The following KCNH5 variants were observed in gnomAD, a reference collection of about 807,000 sequenced individuals.
The protein encoded by KCNH5 is voltage-gated delayed rectifier potassium channel KCNH5.
In KCNH5, 46 loss-of-function variants were observed where a neutral mutation model predicts 96.1. The observed-to-expected ratio is 0.48, with a 90% CI of 0.38 to 0.61. The LOEUF (loss-of-function observed/expected upper bound fraction) is 0.61. Among genes scored for constraint, KCNH5 ranks in the 20% least tolerant of loss-of-function variants. The pLI, the probability that KCNH5 is intolerant of heterozygous loss-of-function variation, is 0.00. For missense variants in KCNH5, 907 were observed against 1,225.8 expected, an observed-to-expected ratio of 0.74 and a Z score of 3.88; for synonymous variants, 439 against 449.8, an observed-to-expected ratio of 0.98 and a Z score of 0.30.
intron 10 of KCNH5, among the ~76,000 whole-genome samples, chr14:62,723,541 T>C (rs538325435): frequency 6.6e-6 from 1 of 152,354 alleles, no homozygotes; most frequent in South Asian, 2.1e-4. Context: ...CTTGGATGTA[T>C]AGACATTCAT....
intron 8 of KCNH5, among the ~76,000 whole-genome samples, chr14:62,838,031 T>C (rs1887499447): frequency 6.6e-6 from 1 of 152,298 alleles, no homozygotes; most frequent in South Asian, 2.1e-4. Flanking sequence ...TGAAGTTTGA[T>C]ACAAGGGTTA....
rs117513689 is a variant in KCNH5 at position 62,728,823 on chromosome 14, A to G, written c.2020-20368T>C. Among the ~76,000 whole-genome samples the G allele has an allele frequency of 4.2e-3, 638 of 152,302 alleles. 10 individuals carry two copies. In the East Asian group the frequency reaches 0.044, roughly 11 times the overall value. On this transcript the variant is annotated intron_variant, in intron 10 of 10. Coordinates refer to ENST00000322893, the MANE Select transcript of KCNH5 (RefSeq NM_139318.5). ...CTCTTTGTCAGTATTAGTTATTAAT[A>G]TAGTAGGAATTCATCAAAAGGATAA...
At chr14:62,715,412 GTTC>G (rs1208648344) in intron 10 of KCNH5, among the ~76,000 whole-genome samples, 1 of 152,142 alleles carries the variant, frequency 6.6e-6, no homozygotes, top group Non-Finnish European at 1.5e-5. Context: ...TGATTCTTTG[GTTC>G]TTCTTACTGC....
At chr14:62,746,943 C>A (rs991910460) in intron 10 of KCNH5, among the ~76,000 whole-genome samples, 1 of 152,186 alleles carries the variant, frequency 6.6e-6, no homozygotes, top group Non-Finnish European at 1.5e-5. Flanking sequence ...ACTTCAAACA[C>A]GCTATCATGT....
intron 6 of KCNH5, among the ~76,000 whole-genome samples, chr14:62,967,392 A>G (rs1185932764): frequency 6.6e-6 from 1 of 151,722 alleles, no homozygotes; most frequent in East Asian, 1.9e-4. Context: ...CTTTTTTTCT[A>G]AACATAAGTA....
At chr14:62,934,321 C>T (rs2140118206) in intron 7 of KCNH5, among the ~76,000 whole-genome samples, 1 of 152,182 alleles carries the variant, frequency 6.6e-6, no homozygotes, top group African/African-American at 2.4e-5. Flanking sequence ...TTAGCAAACA[C>T]CAAAAATGAT....
At chr14:62,867,141 C>T (rs1004912587) in intron 7 of KCNH5, among the ~76,000 whole-genome samples, 2 of 152,196 alleles carry the variant, frequency 1.3e-5, no homozygotes, top group African/African-American at 4.8e-5. Context: ...AGAACACTTC[C>T]TCCCACCTCT....
intron 10 of KCNH5, among the ~76,000 whole-genome samples, chr14:62,768,186 A>G (rs1885905624): frequency 1.3e-5 from 2 of 151,324 alleles, no homozygotes; most frequent in Non-Finnish European, 2.9e-5. Flanking sequence ...ACAAAACTGC[A>G]CTCGAACCCC....
chr14:62,860,428 G>A (rs1888010836), intron 7 of KCNH5, among the ~76,000 whole-genome samples: 1 of 152,176 alleles, frequency 6.6e-6, no homozygotes, highest in South Asian at 2.1e-4. Flanking sequence ...TGCTTACACA[G>A]CTACAGATTT....
rs576032472 is a variant in KCNH5, at chr14:62,717,795, C to T, written c.2020-9340G>A. On this transcript the variant is annotated intron_variant, in intron 10 of 10. Coordinates refer to ENST00000322893, the MANE Select transcript of KCNH5 (RefSeq NM_139318.5). ...GCAAAGAACAAATAAATTCATTGGA[C>T]TTCATCGAAATTAAAAATGCTTGTA... Among the ~76,000 whole-genome samples the T allele has an allele frequency of 5.3e-5, 8 of 152,246 alleles. No individual in the cohort carries two copies. In the South Asian group the frequency reaches 1.7e-3, roughly 32 times the overall value.
intron 1 of KCNH5, among the ~76,000 whole-genome samples, chr14:63,017,541 A>C (rs12888947): frequency 0.46 from 69,620 of 151,460 alleles, 19,579 homozygotes; most frequent in South Asian, 0.71. Flanking sequence ...AGAAACTATC[A>C]GTATTCCAAA....
chr14:62,708,907 A>G (rs1192190209), intron 10 of KCNH5, among the ~76,000 whole-genome samples: 7 of 152,158 alleles, frequency 4.6e-5, no homozygotes. Flanking sequence ...CTTTTGTATG[A>G]TTTTCCTTAT....
chr14:62,720,532 G>A (rs940453279), intron 10 of KCNH5, among the ~76,000 whole-genome samples: 1 of 152,148 alleles, frequency 6.6e-6, no homozygotes, highest in Admixed American at 6.5e-5. Context: ...GCACTGAGCT[G>A]AGATCGCGCC....
chr14:62,758,496 C>G (rs1436941814), intron 10 of KCNH5, among the ~76,000 whole-genome samples: 1 of 152,160 alleles, frequency 6.6e-6, no homozygotes, highest in East Asian at 1.9e-4. Flanking sequence ...TCTTTTCCCT[C>G]TTTTCTGCTA....
intron 10 of KCNH5, among the ~76,000 whole-genome samples, chr14:62,729,927 T>C (rs2139923039): frequency 6.6e-6 from 1 of 152,306 alleles, no homozygotes; most frequent in African/African-American, 2.4e-5. Flanking sequence ...TGAAAGGCTG[T>C]CCACCAAACA....
chr14:62,812,491 G>A (rs1184030374), intron 8 of KCNH5, among the ~76,000 whole-genome samples: 1 of 152,128 alleles, frequency 6.6e-6, no homozygotes, highest in African/African-American at 2.4e-5. Flanking sequence ...CTGAGCCAGA[G>A]GTTAGCATTT....
chr14:63,028,369 CA>C (rs1319272370), intron 1 of KCNH5, among the ~76,000 whole-genome samples: 1 of 151,986 alleles, frequency 6.6e-6, no homozygotes, highest in East Asian at 1.9e-4. Context: ...CAAAAGCAAC[CA>C]TTAGTGGACT....
chr14:62,927,454 T>C (rs1889498249), intron 7 of KCNH5, among the ~76,000 whole-genome samples: 1 of 152,136 alleles, frequency 6.6e-6, no homozygotes, highest in Admixed American at 6.6e-5. Context: ...TATAGGAGCA[T>C]TATTTACAGT....
intron 7 of KCNH5, among the ~76,000 whole-genome samples, chr14:62,929,765 T>C (rs182907130): frequency 4.3e-4 from 65 of 152,146 alleles, no homozygotes; most frequent in African/African-American, 1.5e-3. Context: ...GTAGTGAGCA[T>C]AGTATCCAAT....
Sources: gnomAD v4.1 joint callset for allele counts (sites outside exome capture counted in the v4.1 genomes callset) on GRCh38, gnomAD v4.1.1 for gene constraint, MANE v1.5 for transcripts, NCBI Gene and HGNC (gene_info 2026-07-23, HGNC 2026-07-21) for gene names.